FBXO45: variants seen among roughly 807,000 people sequenced by gnomAD.
FBXO45 encodes the protein F-box protein 45.
Under a neutral mutation model 25.5 loss-of-function variants are expected in FBXO45, and 3 were observed. That is an observed-to-expected ratio of 0.12 (90% CI 0.05 to 0.30). The LOEUF (loss-of-function observed/expected upper bound fraction) is 0.30. Among genes scored for constraint, FBXO45 ranks in the 10% least tolerant of loss-of-function variants. The probability of loss-of-function intolerance (pLI) is 1.00; values close to 1 mark genes in which losing one functional copy is unlikely to be tolerated. For synonymous variants in FBXO45, 155 were observed against 149.8 expected (o/e 1.03, Z -0.25); for missense variants, 219 against 365.0 (o/e 0.60, Z 3.26).
intron 1 of FBXO45, among the ~76,000 whole-genome samples, chr3:196,574,644 A>G (rs1473908869): frequency 6.6e-6 from 1 of 152,074 alleles, no homozygotes; most frequent in Non-Finnish European, 1.5e-5. Context: ...TTTAGATTAG[A>G]TTAGATTTTT....
rs975831028 is a variant in FBXO45 at position 196,587,073 on chromosome 3, T to C, written c.*2755T>C. Reference sequence around the variant, plus strand: ...AGGGAAAGTGTAACTGAGTATACTTTGTTGACTTGGGAAACCTGGAGCACT... The same window carrying C: ...AGGGAAAGTGTAACTGAGTATACTTCGTTGACTTGGGAAACCTGGAGCACT... On this transcript the variant is annotated 3_prime_UTR_variant, in exon 3 of 3. Transcript: ENST00000311630. The C allele has an allele frequency of 6.6e-6, 1 of 152,232 alleles. No individual in the cohort carries two copies. The highest frequency in any genetic ancestry group is 2.4e-5 in the African/African-American group (1 of 41,466). 9.4% of individuals were successfully genotyped at this position (152,232 alleles called of 1,614,324 possible).
In FBXO45 at chr3:196,584,404, T is replaced by C. The variant is rs1269422459; in HGVS notation, c.*86T>C. ...CCATGAAGTGACTGTCACACATGCATGTCCAAGAAACATCCTGAAAACACA... is the reference window on the plus strand; with the variant it reads ...CCATGAAGTGACTGTCACACATGCACGTCCAAGAAACATCCTGAAAACACA... On this transcript the variant is annotated 3_prime_UTR_variant, in exon 3 of 3. Transcript: ENST00000311630. The surrounding 1 kb of genome is among the most constrained non-coding windows in gnomAD (Gnocchi z 4.3). The C allele has an allele frequency of 8.3e-7, 1 of 1,203,296 alleles. No individual in the cohort carries two copies. The allele number at this position is 1,203,296 out of a possible 1,614,324, so 74.5% of individuals were successfully genotyped here. A position where few individuals can be genotyped will look rare whatever the true frequency, so the allele number is the denominator to read the frequency against.
chr3:196,583,575 C>T (rs533526156), intron 2 of FBXO45, among the ~76,000 whole-genome samples: 7 of 151,434 alleles, frequency 4.6e-5, no homozygotes, highest in African/African-American at 1.7e-4. Context: ...TTAGATTGCT[C>T]TTTTTGGTAA....
chr3:196,571,248 AAAC>A (rs1161420826), intron 1 of FBXO45, among the ~76,000 whole-genome samples: 1 of 142,686 alleles, frequency 7.0e-6, no homozygotes, highest in Admixed American at 6.9e-5. Context: ...TGAGACAACA[AAAC>A]AACAAAACTC....
intron 1 of FBXO45, among the ~76,000 whole-genome samples, chr3:196,571,467 C>G (rs1309999731): frequency 1.3e-5 from 2 of 151,854 alleles, no homozygotes; most frequent in Non-Finnish European, 2.9e-5. Flanking sequence ...CTCAAGCGAT[C>G]TTCTTGCCTC....
intron 1 of FBXO45, among the ~76,000 whole-genome samples, chr3:196,573,578 A>G (rs561136174): frequency 9.2e-5 from 14 of 152,324 alleles, no homozygotes; most frequent in African/African-American, 2.9e-4. Context: ...GTAGAAAACA[A>G]TATACATAGG....
intron 2 of FBXO45, among the ~76,000 whole-genome samples, chr3:196,579,231 A>C (rs1735966809): frequency 6.6e-6 from 1 of 152,230 alleles, no homozygotes. Context: ...AGAACTATAG[A>C]TTGCATATTT....
At chr3:196,570,914 T>G (rs1735813416) in intron 1 of FBXO45, among the ~76,000 whole-genome samples, 1 of 152,208 alleles carries the variant, frequency 6.6e-6, no homozygotes, top group East Asian at 1.9e-4. Context: ...GGTTTCACCG[T>G]GTTAACCAGC....
In FBXO45 at chr3:196,587,537, C is replaced by A. The variant is rs77592178; in HGVS notation, c.*3219C>A. 7.6e-4 allele frequency: 116 copies of A among 152,308 alleles called. No individual in the cohort carries two copies. The highest frequency in any genetic ancestry group is 2.7e-3 in the African/African-American group (114 of 41,572). The allele number at this position is 152,308 out of a possible 1,614,324, so 9.4% of individuals were successfully genotyped here. A position where few individuals can be genotyped will look rare whatever the true frequency, so the allele number is the denominator to read the frequency against. Reference sequence around the variant, plus strand: ...AGCAGAGCCCTAAACCATAAAGAAACTACTACTGTATAATGAACTTTTGTT... The same window carrying A: ...AGCAGAGCCCTAAACCATAAAGAAAATACTACTGTATAATGAACTTTTGTT... On this transcript the variant is annotated 3_prime_UTR_variant, in exon 3 of 3. Coordinates refer to ENST00000311630, the MANE Select transcript of FBXO45 (RefSeq NM_001105573.2).
rs2108730728 is a variant in FBXO45, at chr3:196,587,387, A to C, written c.*3069A>C. Reference sequence around the variant, plus strand: ...TCTCCCTCATTCACATAAAGTGTAGATATGGATTCAATAAGACACCAAAAG... The same window carrying C: ...TCTCCCTCATTCACATAAAGTGTAGCTATGGATTCAATAAGACACCAAAAG... On this transcript the variant is annotated 3_prime_UTR_variant, in exon 3 of 3. Coordinates refer to ENST00000311630, the MANE Select transcript of FBXO45 (RefSeq NM_001105573.2). The C allele has an allele frequency of 6.6e-6, 1 of 152,342 alleles. No individual in the cohort carries two copies. Among genetic ancestry groups the C allele is most frequent in the Middle Eastern group, 3.4e-3 (1 of 294 alleles). 9.4% of individuals were successfully genotyped at this position (152,342 alleles called of 1,614,324 possible). A position where few individuals can be genotyped will look rare whatever the true frequency, so the allele number is the denominator to read the frequency against.
At chr3:196,579,587 C>G (rs1265790180) in intron 2 of FBXO45, among the ~76,000 whole-genome samples, 2 of 151,944 alleles carry the variant, frequency 1.3e-5, no homozygotes, top group African/African-American at 4.8e-5. Flanking sequence ...GATGAGTGTC[C>G]CATGTGTGCT....
intron 1 of FBXO45, among the ~76,000 whole-genome samples, chr3:196,572,650 G>C (rs1308618876): frequency 6.6e-6 from 1 of 152,170 alleles, no homozygotes; most frequent in South Asian, 2.1e-4. Flanking sequence ...TTGTAAGCAA[G>C]AAGGATTTGA....
chr3:196,571,676 A>G (rs936594737), intron 1 of FBXO45, among the ~76,000 whole-genome samples: 1 of 152,172 alleles, frequency 6.6e-6, no homozygotes, highest in African/African-American at 2.4e-5. Context: ...TTTTCCTTTC[A>G]TCCTTGTCGC....
At chr3:196,582,281 G>A (rs1332737260) in intron 2 of FBXO45, among the ~76,000 whole-genome samples, 1 of 152,156 alleles carries the variant, frequency 6.6e-6, no homozygotes, top group Non-Finnish European at 1.5e-5. Flanking sequence ...GATTAAATGG[G>A]ATAATACAAA....
Position 196,569,081 on chromosome 3 carries a change from G to T in FBXO45, c.97G>T (p.Ala33Ser), listed in dbSNP as rs1471118363. The T allele has an allele frequency of 8.4e-6, 12 of 1,434,246 alleles. No homozygotes were observed. The highest frequency in any genetic ancestry group is 1.1e-5 in the Non-Finnish European group (12 of 1,079,472). 88.8% of individuals were successfully genotyped at this position (1,434,246 alleles called of 1,614,324 possible). A position where few individuals can be genotyped will look rare whatever the true frequency, so the allele number is the denominator to read the frequency against. The stretch of plus-strand genomic sequence containing the variant: ...GGGCGCGGGCTCGGGCTCTGGGGCC[G>T]CGGGGGCCGGGGGCCGGCTGCCCAG... ...GAGAGSGSGAAGAGGRLPSRV... is the reference protein window; with the variant it reads ...GAGAGSGSGASGAGGRLPSRV... Residue 33 changes from alanine to serine, a missense_variant, in exon 1 of 3, where the codon GCG becomes TCG. Around this residue, in one of 4 missense-constraint regions of FBXO45, gnomAD observed 138 missense variants for 157.3 expected, o/e 0.88. Coordinates refer to ENST00000311630, the MANE Select transcript of FBXO45 (RefSeq NM_001105573.2). This position sits in a 1 kb window ranked among gnomAD's most constrained non-coding sequence, Gnocchi z 4.1.
intron 1 of FBXO45, among the ~76,000 whole-genome samples, chr3:196,575,934 C>T (rs961909403): frequency 2.0e-5 from 3 of 152,218 alleles, no homozygotes; most frequent in Non-Finnish European, 2.9e-5. Context: ...ACCTTGCCTT[C>T]CCAAAGTGCT....
Position 196,586,824 on chromosome 3 carries a change from C to G in FBXO45, c.*2506C>G, listed in dbSNP as rs1398871731. The G allele has an allele frequency of 6.6e-6, 1 of 152,012 alleles. No homozygotes were observed. The highest frequency in any genetic ancestry group is 1.9e-4 in the East Asian group (1 of 5,196). The allele number at this position is 152,012 out of a possible 1,614,324, so 9.4% of individuals were successfully genotyped here. A position where few individuals can be genotyped will look rare whatever the true frequency, so the allele number is the denominator to read the frequency against. Reference sequence around the variant, plus strand: ...GGTCATAAGGATTTTTAAAAACTTTCTGGTCATTTCAATATGCTGCCAAGG... The same window carrying G: ...GGTCATAAGGATTTTTAAAAACTTTGTGGTCATTTCAATATGCTGCCAAGG... On this transcript the variant is annotated 3_prime_UTR_variant, in exon 3 of 3. Transcript: ENST00000311630.
chr3:196,569,065 C>G lies in FBXO45; in HGVS notation c.81C>G (p.Gly27=). ...CSGGGAGAGA[G]SGSGAAGAGG... ...GCGGCGGCGCGGGCGCGGGCGCGGG[C>G]TCGGGCTCTGGGGCCGCGGGGGCCG... Residue 27 remains glycine (G), a synonymous_variant, in exon 1 of 3, where the codon GGC becomes GGG. Coordinates refer to ENST00000311630, the MANE Select transcript of FBXO45 (RefSeq NM_001105573.2). This position sits in a 1 kb window ranked among gnomAD's most constrained non-coding sequence, Gnocchi z 4.1. 1 of 1,311,106 alleles carries G rather than the reference C, an allele frequency of 7.6e-7. No individual in the cohort carries two copies. The highest frequency in any genetic ancestry group is 9.9e-7 in the Non-Finnish European group (1 of 1,011,368). 81.2% of individuals were successfully genotyped at this position (1,311,106 alleles called of 1,614,324 possible). A position where few individuals can be genotyped will look rare whatever the true frequency, so the allele number is the denominator to read the frequency against.
intron 2 of FBXO45, among the ~76,000 whole-genome samples, chr3:196,580,340 T>G (rs1260795489): frequency 6.6e-6 from 1 of 152,104 alleles, no homozygotes; most frequent in Non-Finnish European, 1.5e-5. Context: ...GCCTCTTGGG[T>G]AGCTGGGATT....
Sources: gnomAD v4.1 joint callset for allele counts (sites outside exome capture counted in the v4.1 genomes callset) on GRCh38, gnomAD v4.1.1 for gene constraint, gnomAD v4.1.1 regional missense constraint, Gnocchi (gnomAD v3.1) non-coding constraint, MANE v1.5 for transcripts, NCBI Gene and HGNC (gene_info 2026-07-23, HGNC 2026-07-21) for gene names.